BEAN1: variants seen among roughly 807,000 people sequenced by gnomAD.
The protein encoded by BEAN1 is protein BEAN1.
BEAN1 carries 17 observed loss-of-function variants against 17.7 expected under a neutral mutation model. The ratio of observed to expected loss-of-function variants is 0.96; its 90% confidence interval spans 0.66 to 1.44. The LOEUF (loss-of-function observed/expected upper bound fraction) is 1.44, where lower values mean the gene tolerates loss of function less well. BEAN1 is among the 40% of genes most tolerant of loss of function. The probability of loss-of-function intolerance (pLI) is 0.00; values close to 1 mark genes in which losing one functional copy is unlikely to be tolerated. For synonymous variants in BEAN1, 142 were observed against 151.8 expected (o/e 0.94, Z 0.47); for missense variants, 359 against 374.1 (o/e 0.96, Z 0.33).
In BEAN1 at chr16:66,438,530, C is replaced by T. The variant is rs4783545; in HGVS notation, c.25+829C>T. Among the ~76,000 whole-genome samples the T allele has an allele frequency of 0.011, 1,691 of 152,300 alleles. 85 individuals carry two copies. The East Asian group carries it at 0.14, about 12-fold the overall frequency. On this transcript the variant is annotated intron_variant, in intron 2 of 4. Transcript: ENST00000536005. ...AACACACTTCTCGGGGTTTACTCTCCTAAGGAAACCCATCCCGAGCATCCC... is the reference window on the plus strand; with the variant it reads ...AACACACTTCTCGGGGTTTACTCTCTTAAGGAAACCCATCCCGAGCATCCC...
chr16:66,453,880 C>A (rs112356853), intron 2 of BEAN1, among the ~76,000 whole-genome samples: 10 of 152,198 alleles, frequency 6.6e-5, no homozygotes, highest in African/African-American at 2.4e-4. Context: ...ATTACAAGCA[C>A]ATGCCACCAC....
chr16:66,452,909 G>A (rs1326806139), intron 2 of BEAN1, among the ~76,000 whole-genome samples: 1 of 152,032 alleles, frequency 6.6e-6, no homozygotes, highest in Non-Finnish European at 1.5e-5. Context: ...TTCAAATCCT[G>A]TCTCCCTCCC....
At position 66,480,998 on chromosome 16, in the gene BEAN1, C is replaced by A. The variant is rs1030837218; in HGVS notation, c.*73C>A. The A allele has an allele frequency of 1.6e-6, 2 of 1,248,176 alleles. No homozygotes were observed. Among genetic ancestry groups the A allele is most frequent in the Non-Finnish European group, 2.2e-6 (2 of 928,928 alleles). The allele number at this position is 1,248,176 out of a possible 1,614,324, so 77.3% of individuals were successfully genotyped here. Reference sequence around the variant, plus strand: ...TTCTTTAGGCACACAAAGGCGTGCACACACACACAGAGATGCACACGTGAC... The same window carrying A: ...TTCTTTAGGCACACAAAGGCGTGCAAACACACACAGAGATGCACACGTGAC... On this transcript the variant is annotated 3_prime_UTR_variant, in exon 5 of 5. Coordinates refer to ENST00000536005, the MANE Select transcript of BEAN1 (RefSeq NM_001178020.3).
At chr16:66,483,106 T>A, downstream of BEAN1, 1 of 331,976 alleles carries the variant, frequency 3.0e-6, no homozygotes, top group Non-Finnish European at 5.9e-6. Context: ...AGCGATCCTC[T>A]CACCTCAGCC....
At chr16:66,483,268 G>A (rs1964036707), downstream of BEAN1, 3 of 171,820 alleles carry the variant, frequency 1.7e-5, no homozygotes, top group South Asian at 1.2e-4. Flanking sequence ...TCCTGTTGAT[G>A]TGGATATTTG....
At chr16:66,459,249 G>A (rs1489314136) in intron 2 of BEAN1, among the ~76,000 whole-genome samples, 3 of 152,062 alleles carry the variant, frequency 2.0e-5, no homozygotes, top group Non-Finnish European at 2.9e-5. Flanking sequence ...TCTGCAACCC[G>A]AGGCTCTCCT....
chr16:66,478,577 T>G (rs1324360352), intron 4 of BEAN1, among the ~76,000 whole-genome samples: 1 of 152,102 alleles, frequency 6.6e-6, no homozygotes, highest in African/African-American at 2.4e-5. Context: ...ACTCCAGCCT[T>G]AGCGACAGAG....
intron 2 of BEAN1, among the ~76,000 whole-genome samples, chr16:66,465,798 G>A (rs1040140874): frequency 2.6e-5 from 4 of 152,168 alleles, no homozygotes; most frequent in Non-Finnish European, 5.9e-5. Context: ...CAGAGTTTCT[G>A]TTTCTTTTTA....
chr16:66,493,597 C>T (rs1964207697), downstream of BEAN1: 1 of 548,470 alleles, frequency 1.8e-6, no homozygotes, highest in Non-Finnish European at 3.2e-6. Context: ...TGGCCCCTGG[C>T]CCTTCATCGG....
chr16:66,461,180 G>C (rs1177839037), intron 2 of BEAN1, among the ~76,000 whole-genome samples: 1 of 146,104 alleles, frequency 6.8e-6, no homozygotes, highest in East Asian at 2.1e-4. Context: ...GGTACAGGGG[G>C]ACAGGGAGAC....
chr16:66,452,762 C>T (rs1567492090), intron 2 of BEAN1, among the ~76,000 whole-genome samples: 4 of 152,058 alleles, frequency 2.6e-5, no homozygotes, highest in African/African-American at 4.8e-5. Flanking sequence ...TTTCCCAATC[C>T]TCATGGCACC....
chr16:66,446,208 G>A (rs1426027823), intron 2 of BEAN1, among the ~76,000 whole-genome samples: 1 of 152,068 alleles, frequency 6.6e-6, no homozygotes, highest in Admixed American at 6.6e-5. Context: ...AAAAAAAAGG[G>A]GGGACAGTGG....
intron 2 of BEAN1, among the ~76,000 whole-genome samples, chr16:66,464,912 G>A (rs1352994474): frequency 1.3e-5 from 2 of 152,024 alleles, no homozygotes; most frequent in East Asian, 1.9e-4. Context: ...AAATTGCCCT[G>A]GCTAGAATCT....
At chr16:66,464,886 T>C (rs1963210210) in intron 2 of BEAN1, among the ~76,000 whole-genome samples, 1 of 152,226 alleles carries the variant, frequency 6.6e-6, no homozygotes, top group Non-Finnish European at 1.5e-5. Flanking sequence ...ATGCCTTTTA[T>C]TTCATTTTCT....
chr16:66,474,741 AAG>A (rs1373935265), intron 3 of BEAN1, among the ~76,000 whole-genome samples: 20 of 151,770 alleles, frequency 1.3e-4, no homozygotes, highest in Admixed American at 9.9e-4. Context: ...AAAGAAAGGA[AAG>A]AGAAAGAAAG....
intron 2 of BEAN1, among the ~76,000 whole-genome samples, chr16:66,461,971 A>G (rs1292165508): frequency 6.6e-6 from 1 of 152,194 alleles, no homozygotes; most frequent in Non-Finnish European, 1.5e-5. Flanking sequence ...CAAAAGCTCC[A>G]TTTCATAACC....
intron 2 of BEAN1, chr16:66,438,102 T>C: frequency 3.8e-6 from 1 of 262,522 alleles, no homozygotes; most frequent in Non-Finnish European, 7.5e-6. Context: ...TGGTGATGTG[T>C]GGCCGGCGTG....
At chr16:66,450,557 A>G (rs1962634527) in intron 2 of BEAN1, among the ~76,000 whole-genome samples, 1 of 152,126 alleles carries the variant, frequency 6.6e-6, no homozygotes, top group Admixed American at 6.6e-5. Flanking sequence ...GTATACAAAC[A>G]AAATTTTAAG....
In BEAN1 at chr16:66,469,551, G is replaced by A; in HGVS notation, c.26-51G>A. The A allele has an allele frequency of 2.7e-6, 4 of 1,481,518 alleles. No homozygotes were observed. In the East Asian group the frequency reaches 7.4e-5, roughly 27 times the overall value. 91.8% of individuals were successfully genotyped at this position (1,481,518 alleles called of 1,614,324 possible). Reference sequence around the variant, plus strand: ...AGGGCAGCACGGGCAGAGAAGGAAGGGGTGTGGCAGGCCTGGGCTCCAGCT... The same window carrying A: ...AGGGCAGCACGGGCAGAGAAGGAAGAGGTGTGGCAGGCCTGGGCTCCAGCT... On this transcript the variant is annotated intron_variant, in intron 2 of 4. Transcript: ENST00000536005.
Sources: allele counts gnomAD v4.1 joint callset (sites outside exome capture counted in the v4.1 genomes callset), GRCh38; gene constraint gnomAD v4.1.1; transcripts MANE v1.5; gene names NCBI Gene and HGNC (gene_info 2026-07-23, HGNC 2026-07-21).